Variants in CNDP2 observed in about 807,000 individuals in gnomAD.
The protein encoded by CNDP2 is carnosine dipeptidase 2.
In CNDP2, 38 loss-of-function variants were observed where a neutral mutation model predicts 55.0. The ratio of observed to expected loss-of-function variants is 0.69; its 90% CI spans 0.53 to 0.90. The LOEUF (loss-of-function observed/expected upper bound fraction) is 0.90, where lower values mean the gene tolerates loss of function less well. Ranked by LOEUF, CNDP2 falls within the 40% of genes least tolerant of loss-of-function variation. The pLI is 0.00. For missense variants in CNDP2, 607 were observed against 621.7 expected, an observed-to-expected ratio of 0.98 and a Z score of 0.25; for synonymous variants, 241 against 260.2, an observed-to-expected ratio of 0.93 and a Z score of 0.71.
rs1377161068 is a variant in CNDP2, at chr18:74,521,416, G to GT, written c.*1349dup. On this transcript the variant is annotated 3_prime_UTR_variant, in exon 12 of 12. Coordinates refer to ENST00000324262, the MANE Select transcript of CNDP2 (RefSeq NM_018235.3). Reference sequence around the variant, plus strand: ...GGCCCACTTGACATAAAAGAACAGAGTAAACTCAATGAAAGGAAAAGGCTC... The same window carrying GT: ...GGCCCACTTGACATAAAAGAACAGAGTTAAACTCAATGAAAGGAAAAGGCTC... 2 of 152,386 alleles carry GT rather than the reference G, an allele frequency of 1.3e-5. No homozygotes were observed. The highest frequency in any genetic ancestry group is 3.9e-4 in the East Asian group (2 of 5,184). The allele number at this position is 152,386 out of a possible 1,614,324, so 9.4% of individuals were successfully genotyped here.
Position 74,519,987 on chromosome 18 carries a change from C to T in CNDP2, c.1359-12C>T, listed in dbSNP as rs376015195. 1.2e-4 allele frequency: 186 copies of T among 1,613,108 alleles called. No individual in the cohort carries two copies. The South Asian group carries it at 1.6e-3, about 14-fold the overall frequency. On this transcript the variant is annotated splice_polypyrimidine_tract_variant and intron_variant, in intron 11 of 11. Coordinates refer to ENST00000324262, the MANE Select transcript of CNDP2 (RefSeq NM_018235.3). The stretch of plus-strand genomic sequence containing the variant: ...ACACCAGCCAACACAATGATGTGTT[C>T]CTCTCTACCAGGTATAACTACATAG...
At position 74,516,246 on chromosome 18, in the gene CNDP2, C is replaced by T. The variant is rs757576243; in HGVS notation, c.922C>T (p.Arg308Ter). 1.7e-5 allele frequency: 28 copies of T among 1,613,188 alleles called. No individual in the cohort carries two copies. The highest frequency in any genetic ancestry group is 3.3e-5 in the South Asian group (3 of 91,002). The change falls in exon 9 of 12, where the codon CGA (arginine) becomes TGA (stop). Residue 308 changes from arginine (R) to a stop codon, truncating the protein, a stop_gained. Coordinates refer to ENST00000324262, the MANE Select transcript of CNDP2 (RefSeq NM_018235.3). LOFTEE classifies it high-confidence loss of function. Reference protein sequence around the residue: ...HSHKKDILMHRWRYPSLSLHG... With the variant: ...HSHKKDILMH ...TCTGCAGAAAGACATCCTCATGCAC[C>T]GATGGCGGTACCCGTCTCTGTCCCT...
intron 4 of CNDP2, among the ~76,000 whole-genome samples, chr18:74,506,787 T>C (rs570577671): frequency 6.6e-6 from 1 of 152,354 alleles, no homozygotes; most frequent in East Asian, 1.9e-4. Context: ...AGGCCCGTGC[T>C]ATGAGGGACC....
At chr18:74,498,096 C>T (rs1455381981) in intron 1 of CNDP2, 1 of 152,140 alleles carries the variant, frequency 6.6e-6, no homozygotes, top group Non-Finnish European at 1.5e-5. Flanking sequence ...ACAATCTGAT[C>T]CCTGTTTCCT....
rs746614084 is a variant in CNDP2 at position 74,505,992 on chromosome 18, C to T, written c.348C>T (p.Phe116=). The T allele has an allele frequency of 8.8e-6, 14 of 1,598,032 alleles. No homozygotes were observed. In the African/African-American group the frequency reaches 1.2e-4, roughly 14 times the overall value. ...AGGACGGCTGGGACAGCGAGCCCTT[C>T]ACCCTGGTGGAGCGAGACGGTGAGC... ...ALEDGWDSEP[F]TLVERDGKLY... The change falls in exon 4 of 12, where the codon TTC becomes TTT. Residue 116 remains phenylalanine (F), a synonymous_variant. Coordinates refer to ENST00000324262, the MANE Select transcript of CNDP2 (RefSeq NM_018235.3).
intron 10 of CNDP2, 131 bp downstream of exon 10, chr18:74,518,771 C>A: frequency 7.0e-7 from 1 of 1,434,648 alleles, no homozygotes; most frequent in Non-Finnish European, 9.6e-7. Context: ...GTTAAGTCAG[C>A]ATGAGGACAG....
At position 74,501,310 on chromosome 18, in the gene CNDP2, GCTT is replaced by G; in HGVS notation, c.61-15_61-13del. On this transcript the variant is annotated splice_polypyrimidine_tract_variant and intron_variant, in intron 2 of 11. Transcript: ENST00000324262. ...GGACACCTTTTCAGAATCCCTCGTT[GCTT>G]CTTGTCCACAAACAGAAACTCGCAA... The G allele has an allele frequency of 1.2e-6, 2 of 1,609,210 alleles. No homozygotes were observed. The highest frequency in any genetic ancestry group is 2.7e-5 in the African/African-American group (2 of 74,898).
intron 3 of CNDP2, among the ~76,000 whole-genome samples, chr18:74,503,073 G>A (rs1437197851): frequency 7.0e-6 from 1 of 142,190 alleles, no homozygotes; most frequent in Admixed American, 6.9e-5. Flanking sequence ...GCTCCCTTTC[G>A]TTTTTTTTTT....
chr18:74,511,442 C>T (rs1979346526), intron 6 of CNDP2, among the ~76,000 whole-genome samples: 6 of 152,046 alleles, frequency 3.9e-5, no homozygotes, highest in Admixed American at 3.9e-4. Flanking sequence ...TGCAGTGGCT[C>T]ACGCCTGTAA....
chr18:74,513,549 C>A lies in CNDP2; in HGVS notation c.743-10C>A. 1 of 1,609,140 alleles carries A rather than the reference C, an allele frequency of 6.2e-7. No homozygotes were observed. The highest frequency in any genetic ancestry group is 1.1e-5 in the South Asian group (1 of 90,514). ...CCCTGAGTGCTGTAACCCTCTCCGG[C>A]TTCCCTCAGGCTCTTTGGTGGACAA... On this transcript the variant is annotated splice_polypyrimidine_tract_variant and intron_variant, in intron 7 of 11. Coordinates refer to ENST00000324262, the MANE Select transcript of CNDP2 (RefSeq NM_018235.3).
chr18:74,505,569 A>G (rs1015759976), intron 3 of CNDP2, among the ~76,000 whole-genome samples: 9 of 150,922 alleles, frequency 6.0e-5, no homozygotes, highest in Non-Finnish European at 1.2e-4. Context: ...ACTGCGCTCC[A>G]GCCTGGGTGA....
chr18:74,498,766 C>T (rs1222253218), intron 1 of CNDP2, among the ~76,000 whole-genome samples: 1 of 152,172 alleles, frequency 6.6e-6, no homozygotes, highest in Non-Finnish European at 1.5e-5. Context: ...AAATGAGTGC[C>T]TCAGCAGAAA....
intron 2 of CNDP2, 129 bp from the exon 3 acceptor site, chr18:74,501,200 A>T (rs1978674317): frequency 1.4e-6 from 2 of 1,456,798 alleles, no homozygotes; most frequent in Non-Finnish European, 1.8e-6. Context: ...GGTCTGTCCT[A>T]TTTCCAATCA....
At chr18:74,519,890 T>C (rs1599075121) in intron 11 of CNDP2, 109 bp from the exon 12 acceptor site, 1 of 937,064 alleles carries the variant, frequency 1.1e-6, no homozygotes, top group East Asian at 2.7e-5. Flanking sequence ...GGATGGGGGA[T>C]GCTCCCCAGG....
chr18:74,516,988 ACGTGG>A (rs1979710011), intron 9 of CNDP2: 2 of 44,952 alleles, frequency 4.4e-5, no homozygotes, highest in East Asian at 2.2e-3. Flanking sequence ...GCGGTAGCTT[ACGTGG>A]CAGACGCGAT....
At chr18:74,511,090 G>A in intron 6 of CNDP2, 77 bp downstream of exon 6, 1 of 1,255,868 alleles carries the variant, frequency 8.0e-7, no homozygotes, top group Middle Eastern at 2.6e-4. Context: ...AAGTAGACAA[G>A]GACCCAGAAG....
At chr18:74,513,977 G>A (rs1282902558) in intron 8 of CNDP2, among the ~76,000 whole-genome samples, 7 of 152,182 alleles carry the variant, frequency 4.6e-5, no homozygotes, top group Admixed American at 3.9e-4. Flanking sequence ...TGCTGGCAGC[G>A]GCTCTGCTGT....
chr18:74,500,591 C>T (rs987006114), intron 2 of CNDP2, among the ~76,000 whole-genome samples: 1 of 152,228 alleles, frequency 6.6e-6, no homozygotes, highest in East Asian at 1.9e-4. Context: ...TTTACATTTA[C>T]TTCCTCCTTA....
At chr18:74,496,629 C>T (rs1978429163) in intron 1 of CNDP2, among the ~76,000 whole-genome samples, 198 bp downstream of exon 1, 2 of 152,192 alleles carry the variant, frequency 1.3e-5, no homozygotes, top group African/African-American at 4.8e-5. Context: ...CCCGTGACGG[C>T]CATGGCCCCG....
Sources: allele counts gnomAD v4.1 joint callset (sites outside exome capture counted in the v4.1 genomes callset), GRCh38; gene constraint gnomAD v4.1.1; transcripts MANE v1.5; gene names NCBI Gene and HGNC (gene_info 2026-07-23, HGNC 2026-07-21).